Variants in DOCK4 observed in about 807,000 individuals in gnomAD.
DOCK4 encodes the protein dedicator of cytokinesis 4.
DOCK4 carries 97 observed loss-of-function variants against 268.1 expected under a neutral mutation model. That is an observed-to-expected ratio of 0.36 (90% CI 0.31 to 0.43). DOCK4 has a LOEUF of 0.43. DOCK4 is among the 20% of genes least tolerant of loss of function. The pLI, the probability that DOCK4 is intolerant of heterozygous loss-of-function variation, is 1.00. For missense variants in DOCK4, 2,145 were observed against 2,455.7 expected, an observed-to-expected ratio of 0.87 and a Z score of 2.67; for synonymous variants, 954 against 887.2, an observed-to-expected ratio of 1.08 and a Z score of -1.34.
intron 25 of DOCK4, among the ~76,000 whole-genome samples, chr7:111,838,719 G>C (rs1803434718): frequency 6.6e-6 from 1 of 152,014 alleles, no homozygotes; most frequent in Admixed American, 6.6e-5. Flanking sequence ...AGCATGGAGG[G>C]GCAAAAGAGA....
chr7:111,999,169 A>G (rs1036213283), intron 3 of DOCK4, among the ~76,000 whole-genome samples: 1 of 152,184 alleles, frequency 6.6e-6, no homozygotes, highest in African/African-American at 2.4e-5. Context: ...AATGAGCATC[A>G]ATTTGATTGT....
At chr7:112,082,113 G>C (rs751598780) in intron 1 of DOCK4, among the ~76,000 whole-genome samples, 2 of 152,178 alleles carry the variant, frequency 1.3e-5, no homozygotes, top group African/African-American at 4.8e-5. Context: ...TCATGGAATA[G>C]ACACATAGTA....
chr7:111,935,510 T>G (rs1344838218), intron 12 of DOCK4, 30 bp downstream of exon 12: 1 of 1,600,442 alleles, frequency 6.2e-7, no homozygotes, highest in South Asian at 1.1e-5. Flanking sequence ...ACGAAAAGTG[T>G]AGGGAAAGTC....
At chr7:111,801,205 G>C (rs1800251938) in intron 30 of DOCK4, among the ~76,000 whole-genome samples, 1 of 152,186 alleles carries the variant, frequency 6.6e-6, no homozygotes, top group Admixed American at 6.5e-5. Context: ...GGAGGGCCAG[G>C]TTTTTTGCGG....
At chr7:112,091,912 C>T (rs1463103932) in intron 1 of DOCK4, among the ~76,000 whole-genome samples, 1 of 152,150 alleles carries the variant, frequency 6.6e-6, no homozygotes, top group Non-Finnish European at 1.5e-5. Context: ...AGAAGCCAAC[C>T]AAATCAGCCT....
intron 20 of DOCK4, among the ~76,000 whole-genome samples, chr7:111,870,540 T>G (rs1806336631): frequency 6.6e-6 from 1 of 152,126 alleles, no homozygotes; most frequent in African/African-American, 2.4e-5. Flanking sequence ...CAGGCTGGTC[T>G]TGAACTCCTG....
chr7:111,953,616 C>T (rs1796230115), intron 8 of DOCK4: 1 of 152,242 alleles, frequency 6.6e-6, no homozygotes, highest in Non-Finnish European at 1.5e-5. Context: ...TCTCTGCCTT[C>T]CCTCTAATTG....
At chr7:112,045,158 C>T (rs917478033) in intron 1 of DOCK4, among the ~76,000 whole-genome samples, 2 of 152,278 alleles carry the variant, frequency 1.3e-5, no homozygotes, top group East Asian at 3.9e-4. Context: ...ATTCTGGACC[C>T]TTTCTGGCTC....
intron 8 of DOCK4, among the ~76,000 whole-genome samples, chr7:111,961,483 T>C (rs1442586817): frequency 2.0e-5 from 3 of 152,196 alleles, no homozygotes; most frequent in Non-Finnish European, 2.9e-5. Context: ...TTCTTACAAC[T>C]GGAATTCCCT....
intron 1 of DOCK4, among the ~76,000 whole-genome samples, chr7:112,189,745 T>TG (rs1819765479): frequency 1.3e-5 from 1 of 77,220 alleles, no homozygotes; most frequent in East Asian, 3.0e-4. Flanking sequence ...GTCTGGGTTT[T>TG]GTTTTTTTTT....
At chr7:111,828,126 C>T (rs1802541524) in intron 26 of DOCK4, among the ~76,000 whole-genome samples, 1 of 152,036 alleles carries the variant, frequency 6.6e-6, no homozygotes, top group Admixed American at 6.6e-5. Flanking sequence ...TTACTGACAA[C>T]AGAAGGAGGA....
At chr7:111,878,952 G>A (rs1468661097) in intron 16 of DOCK4, among the ~76,000 whole-genome samples, 2 of 152,058 alleles carry the variant, frequency 1.3e-5, no homozygotes, top group Non-Finnish European at 2.9e-5. Flanking sequence ...TAGAGTCCAT[G>A]GACAAGGGTA....
intron 13 of DOCK4, among the ~76,000 whole-genome samples, chr7:111,902,517 A>T (rs575232391): frequency 1.8e-3 from 280 of 152,222 alleles, no homozygotes; most frequent in Middle Eastern, 0.014. Context: ...ATTGCAAGAT[A>T]AAAAAAGATA....
At chr7:112,093,831 A>G (rs1171652864) in intron 1 of DOCK4, among the ~76,000 whole-genome samples, 1 of 151,616 alleles carries the variant, frequency 6.6e-6, no homozygotes, top group East Asian at 1.9e-4. Context: ...TTGATCCACC[A>G]TAACTTTAGG....
At chr7:111,809,118 T>A (rs1228366662) in intron 29 of DOCK4, among the ~76,000 whole-genome samples, 183 bp downstream of exon 29, 1 of 152,210 alleles carries the variant, frequency 6.6e-6, no homozygotes, top group Non-Finnish European at 1.5e-5. Flanking sequence ...AAGAGCCAGG[T>A]CAAAACAATG....
intron 51 of DOCK4, 90 bp from the exon 52 acceptor site, chr7:111,732,377 G>A (rs1795164313): frequency 2.0e-5 from 28 of 1,371,382 alleles, no homozygotes; most frequent in South Asian, 1.9e-4. Context: ...AACCCAAACA[G>A]ATGATCCAGT....
At chr7:111,910,270 C>T (rs1314840641) in intron 13 of DOCK4, among the ~76,000 whole-genome samples, 3 of 152,182 alleles carry the variant, frequency 2.0e-5, no homozygotes, top group Non-Finnish European at 4.4e-5. Context: ...GCCAGCTTTG[C>T]TCCAGAATGT....
intron 30 of DOCK4, among the ~76,000 whole-genome samples, chr7:111,801,233 C>G (rs1169036396): frequency 6.6e-6 from 1 of 152,212 alleles, no homozygotes; most frequent in Non-Finnish European, 1.5e-5. Flanking sequence ...GAATGACACA[C>G]CTGGTCAAAC....
intron 1 of DOCK4, among the ~76,000 whole-genome samples, chr7:112,173,086 G>T (rs1818220068): frequency 1.3e-5 from 2 of 152,166 alleles, no homozygotes; most frequent in African/African-American, 4.8e-5. Flanking sequence ...CATGTCAACA[G>T]CTCAAAAGCC....
Sources: allele counts gnomAD v4.1 joint callset (sites outside exome capture counted in the v4.1 genomes callset), GRCh38; gene constraint gnomAD v4.1.1; transcripts MANE v1.5; gene names NCBI Gene and HGNC (gene_info 2026-07-23, HGNC 2026-07-21).